The following PAX7 variants were observed in gnomAD, a reference collection of about 807,000 sequenced individuals.
PAX7 encodes paired box 7.
A neutral mutation model predicts 50.7 loss-of-function variants in PAX7; 18 were observed. The observed-to-expected ratio is 0.36, with a 90% CI of 0.25 to 0.53. PAX7 has a LOEUF of 0.53. Among genes scored for constraint, PAX7 ranks in the 20% least tolerant of loss-of-function variants. PAX7 has a pLI of 0.93. For synonymous variants in PAX7, 310 were observed against 290.4 expected, an observed-to-expected ratio of 1.07 and a Z score of -0.69; for missense variants, 644 against 702.9, an observed-to-expected ratio of 0.92 and a Z score of 0.95.
At chr1:18,644,795 T>C (rs2100443321) in intron 4 of PAX7, among the ~76,000 whole-genome samples, 1 of 152,290 alleles carries the variant, frequency 6.6e-6, no homozygotes, top group Middle Eastern at 3.4e-3. Context: ...GGGAAGTGTT[T>C]ATATGCTGAT....
intron 4 of PAX7, among the ~76,000 whole-genome samples, chr1:18,651,097 A>G (rs1038977780): frequency 1.3e-5 from 2 of 151,950 alleles, no homozygotes; most frequent in African/African-American, 4.8e-5. Flanking sequence ...TGCCCCCACC[A>G]TGTCCCCTGA....
chr1:18,689,891 G>T, intron 4 of PAX7, among the ~76,000 whole-genome samples: 1 of 152,244 alleles, frequency 6.6e-6, no homozygotes, highest in East Asian at 1.9e-4. Flanking sequence ...GGAGGAGGGG[G>T]TTGCCCCTTG....
At chr1:18,718,917 G>A (rs2089461688) in intron 7 of PAX7, among the ~76,000 whole-genome samples, 1 of 152,138 alleles carries the variant, frequency 6.6e-6, no homozygotes. Flanking sequence ...TGGGATTACA[G>A]GCATGAGCCA....
chr1:18,638,585 T>C (rs1476146416), intron 4 of PAX7, among the ~76,000 whole-genome samples: 1 of 152,218 alleles, frequency 6.6e-6, no homozygotes, highest in East Asian at 1.9e-4. Flanking sequence ...GTGCTTTGAA[T>C]GGCTGTGTAA....
intron 4 of PAX7, among the ~76,000 whole-genome samples, chr1:18,666,957 G>A (rs1195764282): frequency 2.1e-5 from 3 of 142,960 alleles, no homozygotes; most frequent in African/African-American, 5.0e-5. Flanking sequence ...TCCAGGATAG[G>A]CTGAGGGAGT....
At chr1:18,642,872 G>A (rs1289448741) in intron 4 of PAX7, among the ~76,000 whole-genome samples, 3 of 151,802 alleles carry the variant, frequency 2.0e-5, no homozygotes, top group Admixed American at 1.3e-4. Flanking sequence ...AGGTGAGGCG[G>A]GGAAGGAGTC....
At position 18,639,269 on chromosome 1, in the gene PAX7, T is replaced by C. The variant is rs575015731; in HGVS notation, c.586+2898T>C. Among the ~76,000 whole-genome samples, 76 of 152,310 alleles carry C rather than the reference T, an allele frequency of 5.0e-4. 1 individual carries two copies. The highest frequency in any genetic ancestry group is 8.4e-4 in the Non-Finnish European group (57 of 68,028). ...CGCAATCAGTTCTCACTCTCAGAGT[T>C]TGAAGCACAAACGTTAAGTTGAAGG... On this transcript the variant is annotated intron_variant, in intron 4 of 8. Coordinates refer to ENST00000420770, the MANE Select transcript of PAX7 (RefSeq NM_001135254.2).
At chr1:18,631,808 C>T (rs1404979957) in intron 1 of PAX7, 120 bp downstream of exon 1, 1 of 805,600 alleles carries the variant, frequency 1.2e-6, no homozygotes, top group African/African-American at 1.7e-5. Context: ...ATCCCGTTCT[C>T]TTCTGGGTCC....
intron 4 of PAX7, among the ~76,000 whole-genome samples, chr1:18,659,821 G>A (rs72648797): frequency 0.088 from 13,350 of 152,204 alleles, 707 homozygotes; most frequent in Admixed American, 0.12. Flanking sequence ...ACCCCCTGGC[G>A]TGTAAGGATC....
intron 4 of PAX7, among the ~76,000 whole-genome samples, chr1:18,639,063 G>C (rs2088206413): frequency 6.6e-6 from 1 of 152,188 alleles, no homozygotes; most frequent in Non-Finnish European, 1.5e-5. Flanking sequence ...GGGTTTAAGA[G>C]CTCTCCTCTT....
chr1:18,722,613 T>C (rs2089508930), intron 7 of PAX7, among the ~76,000 whole-genome samples: 1 of 152,148 alleles, frequency 6.6e-6, no homozygotes, highest in African/African-American at 2.4e-5. Flanking sequence ...CTGCGTTCCC[T>C]GCCCTGTGTG....
intron 4 of PAX7, among the ~76,000 whole-genome samples, chr1:18,671,569 A>G (rs2088750128): frequency 6.6e-6 from 1 of 151,620 alleles, no homozygotes; most frequent in African/African-American, 2.4e-5. Flanking sequence ...GACCTTGGAG[A>G]GACATATTCC....
At chr1:18,640,128 C>A (rs1557503134) in intron 4 of PAX7, among the ~76,000 whole-genome samples, 1 of 151,988 alleles carries the variant, frequency 6.6e-6, no homozygotes, top group African/African-American at 2.4e-5. Context: ...TGTATTTTTC[C>A]TTTATTTATT....
intron 8 of PAX7, among the ~76,000 whole-genome samples, chr1:18,742,005 A>G (rs1406540838): frequency 6.6e-6 from 1 of 152,174 alleles, no homozygotes; most frequent in East Asian, 1.9e-4. Flanking sequence ...GGATACCACC[A>G]CTACCAGCCT....
intron 4 of PAX7, among the ~76,000 whole-genome samples, chr1:18,687,650 C>T (rs1215869287): frequency 1.3e-5 from 2 of 152,028 alleles, no homozygotes; most frequent in African/African-American, 2.4e-5. Flanking sequence ...GTTGAAGTCA[C>T]AAACAAACTG....
intron 4 of PAX7, among the ~76,000 whole-genome samples, chr1:18,652,065 T>G (rs2088440897): frequency 6.6e-6 from 1 of 151,764 alleles, no homozygotes; most frequent in African/African-American, 2.4e-5. Context: ...ACCGGCCCCC[T>G]GGCAGGAGGC....
At chr1:18,724,131 G>T (rs1267078951) in intron 7 of PAX7, among the ~76,000 whole-genome samples, 1 of 152,204 alleles carries the variant, frequency 6.6e-6, no homozygotes, top group Non-Finnish European at 1.5e-5. Context: ...GGCGTCAGCG[G>T]GCTCACCCGG....
At chr1:18,635,336 G>A (rs1181646324) in intron 3 of PAX7, 96 bp downstream of exon 3, 19 of 1,425,982 alleles carry the variant, frequency 1.3e-5, no homozygotes, top group Admixed American at 6.3e-5. Context: ...AGGAGATGAT[G>A]GCTGACTGTG....
chr1:18,660,270 G>A (rs1449979782), intron 4 of PAX7, among the ~76,000 whole-genome samples: 1 of 152,142 alleles, frequency 6.6e-6, no homozygotes, highest in African/African-American at 2.4e-5. Context: ...CCTACCTGTG[G>A]AAGACAGGTG....
Sources: allele counts gnomAD v4.1 joint callset (sites outside exome capture counted in the v4.1 genomes callset), GRCh38; gene constraint gnomAD v4.1.1; transcripts MANE v1.5; gene names NCBI Gene and HGNC (gene_info 2026-07-23, HGNC 2026-07-21).